Variants in COL4A4 observed in about 807,000 individuals in gnomAD.
COL4A4 encodes the protein collagen alpha-4(IV) chain.
A neutral mutation model predicts 192.9 loss-of-function variants in COL4A4; 105 were observed. That is an observed-to-expected ratio of 0.54 (90% CI 0.46 to 0.64). The LOEUF is 0.64. COL4A4 is among the 30% of genes least tolerant of loss of function. The pLI, the probability that COL4A4 is intolerant of heterozygous loss-of-function variation, is 0.00. For synonymous variants in COL4A4, 762 were observed against 769.9 expected (o/e 0.99, Z 0.17); for missense variants, 1,967 against 2,169.3 (o/e 0.91, Z 1.85).
intron 16 of COL4A4, 133 bp downstream of exon 16, chr2:227,101,732 C>T: frequency 9.5e-7 from 1 of 1,049,248 alleles, no homozygotes; most frequent in East Asian, 2.6e-5. Context: ...CAGCTAAATC[C>T]TGCAATCCAT....
intron 47 of COL4A4, 56 bp from the exon 48 acceptor site, chr2:227,007,644 C>A: frequency 6.2e-7 from 1 of 1,608,706 alleles, no homozygotes. Flanking sequence ...AACCCCAGAC[C>A]CAATCAGGGA....
chr2:227,035,427 G>T (rs904701229), intron 37 of COL4A4, among the ~76,000 whole-genome samples: 3 of 151,224 alleles, frequency 2.0e-5, no homozygotes, highest in Non-Finnish European at 4.4e-5. Context: ...GGCACAGTTA[G>T]TTGCTTCCAT....
intron 25 of COL4A4, among the ~76,000 whole-genome samples, chr2:227,076,054 A>T (rs192874282): frequency 2.6e-5 from 4 of 152,332 alleles, no homozygotes; most frequent in African/African-American, 9.6e-5. Flanking sequence ...GAAAATGGCC[A>T]TACTGCCCAA....
intron 25 of COL4A4, among the ~76,000 whole-genome samples, chr2:227,069,917 T>C (rs1386015343): frequency 2.6e-5 from 4 of 151,558 alleles, no homozygotes; most frequent in South Asian, 2.1e-4. Context: ...GAAACTACCA[T>C]CAGAGTGAAC....
chr2:227,150,880 C>G (rs1327539520), intron 1 of COL4A4, among the ~76,000 whole-genome samples: 1 of 149,944 alleles, frequency 6.7e-6, no homozygotes, highest in Non-Finnish European at 1.5e-5. Flanking sequence ...GGTGGGGACA[C>G]AGAGCCAAAC....
intron 44 of COL4A4, among the ~76,000 whole-genome samples, chr2:227,017,525 A>G (rs1965152008): frequency 6.6e-6 from 1 of 152,238 alleles, no homozygotes; most frequent in Non-Finnish European, 1.5e-5. Flanking sequence ...AGGCAGGAAC[A>G]GTTCAAAACA....
the COL4A4 span, chr2:226,996,317 G>C: frequency 6.6e-6 from 1 of 152,208 alleles, no homozygotes; most frequent in African/African-American, 2.4e-5. Context: ...GAAGGCATTT[G>C]GTGGATCGGT....
chr2:227,162,910 G>T (rs1261912707), intron 1 of COL4A4, among the ~76,000 whole-genome samples: 1 of 152,196 alleles, frequency 6.6e-6, no homozygotes, highest in Admixed American at 6.5e-5. Flanking sequence ...AAAATAAAAA[G>T]AATGGGAGGA....
intron 26 of COL4A4, 107 bp downstream of exon 26, chr2:227,062,423 A>C (rs1340795438): frequency 5.3e-6 from 4 of 761,108 alleles, no homozygotes; most frequent in Admixed American, 4.3e-5. Flanking sequence ...AAAACTTCAG[A>C]AATGTCCTAA....
At chr2:227,053,907 G>A (rs1415111160) in intron 31 of COL4A4, among the ~76,000 whole-genome samples, 1 of 152,034 alleles carries the variant, frequency 6.6e-6, no homozygotes, top group Non-Finnish European at 1.5e-5. Context: ...GATGAAAGTG[G>A]ACTCATGGTA....
At chr2:227,153,591 G>T (rs560013220) in intron 1 of COL4A4, among the ~76,000 whole-genome samples, 2 of 152,256 alleles carry the variant, frequency 1.3e-5, no homozygotes, top group South Asian at 4.2e-4. Context: ...CTGGGATGAG[G>T]ATAGTACAGA....
chr2:226,977,295 T>C, the COL4A4 span, among the ~76,000 whole-genome samples: 1 of 152,128 alleles, frequency 6.6e-6, no homozygotes, highest in Non-Finnish European at 1.5e-5. Flanking sequence ...TGCCGCCTCC[T>C]TTTTTTCTGT....
At chr2:227,041,783 G>GGAAAGA (rs1559476215) in intron 37 of COL4A4, among the ~76,000 whole-genome samples, 2 of 55,836 alleles carry the variant, frequency 3.6e-5, no homozygotes, top group Admixed American at 4.0e-4. Context: ...AGGAAGGAAG[G>GGAAAGA]AAGGGAAAGA....
intron 22 of COL4A4, 110 bp downstream of exon 22, chr2:227,088,543 T>C: frequency 7.1e-7 from 1 of 1,416,994 alleles, no homozygotes; most frequent in East Asian, 2.3e-5. Context: ...CAATTAAACC[T>C]CTTTCCTTAA....
the COL4A4 span, among the ~76,000 whole-genome samples, chr2:226,995,229 A>G: frequency 6.6e-6 from 1 of 152,380 alleles, no homozygotes; most frequent in Admixed American, 6.5e-5. Flanking sequence ...AATCAGATTC[A>G]TGGCTGAACC....
At chr2:227,144,322 A>AT (rs2063405178) in intron 3 of COL4A4, among the ~76,000 whole-genome samples, 194 bp downstream of exon 3, 1 of 152,266 alleles carries the variant, frequency 6.6e-6, no homozygotes, top group Non-Finnish European at 1.5e-5. Context: ...GAAATCCCCA[A>AT]TACCTAGGCA....
At chr2:227,100,994 G>C (rs558162783) in intron 17 of COL4A4, among the ~76,000 whole-genome samples, 1 of 152,124 alleles carries the variant, frequency 6.6e-6, no homozygotes, top group African/African-American at 2.4e-5. Flanking sequence ...ATTTTTAGTA[G>C]AGACGGGGTT....
chr2:227,029,175 T>G (rs1250632131), intron 41 of COL4A4, among the ~76,000 whole-genome samples: 2 of 152,226 alleles, frequency 1.3e-5, no homozygotes, highest in African/African-American at 4.8e-5. Flanking sequence ...TAACTCCCTG[T>G]GTATCCTTAT....
chr2:227,041,856 AAG>A (rs1237060194), intron 37 of COL4A4, among the ~76,000 whole-genome samples: 1 of 96,976 alleles, frequency 1.0e-5, no homozygotes, highest in Admixed American at 9.5e-5. Context: ...AAGAGAAAGA[AAG>A]AAAGAAAGAA....
Sources: gnomAD v4.1 joint callset for allele counts (sites outside exome capture counted in the v4.1 genomes callset) on GRCh38, gnomAD v4.1.1 for gene constraint, MANE v1.5 for transcripts, NCBI Gene and HGNC (gene_info 2026-07-23, HGNC 2026-07-21) for gene names.